Variants in PVT1 observed in about 807,000 individuals in gnomAD.
The protein encoded by PVT1 is CXCR4/PVT1 fusion.
chr8:127,857,747 T>C (rs564778401), intron 2 of PVT1, among the ~76,000 whole-genome samples: 5 of 152,210 alleles, frequency 3.3e-5, no homozygotes, highest in Non-Finnish European at 7.3e-5. Flanking sequence ...TTTTCTGACA[T>C]TGTTTATTGC....
At chr8:128,037,198 C>G (rs1369372661) in intron 4 of PVT1, among the ~76,000 whole-genome samples, 1 of 152,242 alleles carries the variant, frequency 6.6e-6, no homozygotes, top group African/African-American at 2.4e-5. Context: ...GCAGTCACCA[C>G]TCCTCTGAGG....
At chr8:127,954,864 A>G (rs1197752636) in intron 3 of PVT1, among the ~76,000 whole-genome samples, 1 of 152,134 alleles carries the variant, frequency 6.6e-6, no homozygotes, top group African/African-American at 2.4e-5. Context: ...GTGCTGCCAC[A>G]TTTATCCTTT....
chr8:127,934,858 T>G (rs1816253383), intron 3 of PVT1, among the ~76,000 whole-genome samples: 1 of 152,152 alleles, frequency 6.6e-6, no homozygotes. Context: ...CAGCCTCCAC[T>G]TTTGTTGCTC....
chr8:127,976,746 G>T (rs1816826794), intron 3 of PVT1, among the ~76,000 whole-genome samples: 2 of 152,098 alleles, frequency 1.3e-5, no homozygotes. Context: ...TCAGGGAGGT[G>T]CTCGTTGCTC....
intron 2 of PVT1, among the ~76,000 whole-genome samples, chr8:127,841,228 G>T (rs1231436248): frequency 6.6e-6 from 1 of 152,166 alleles, no homozygotes; most frequent in Non-Finnish European, 1.5e-5. Context: ...CCTCTTGTTG[G>T]CCTGAAGGAA....
At chr8:127,889,467 A>T (rs1320385628) in intron 2 of PVT1, among the ~76,000 whole-genome samples, 3 of 142,598 alleles carry the variant, frequency 2.1e-5, no homozygotes, top group Admixed American at 6.9e-5. Flanking sequence ...TTTTTTTTTT[A>T]AAGCTGTGTG....
At chr8:127,802,699 G>A (rs756977628) in intron 2 of PVT1, among the ~76,000 whole-genome samples, 2 of 152,164 alleles carry the variant, frequency 1.3e-5, no homozygotes, top group African/African-American at 2.4e-5. Flanking sequence ...TGCCTTGGAC[G>A]AGGTCAGCAT....
In PVT1 at chr8:127,898,086, G is replaced by T. The variant is rs888509177; in HGVS notation, n.782+7088G>T. ...AGAAAGAAAAGAAAAGAAAGAAAAG[G>T]GAAGGAAGGAAGGAAAGAAGGAAGG... On this transcript the variant is annotated intron_variant and non_coding_transcript_variant, in intron 3 of 10. Coordinates refer to ENST00000651587, the Ensembl canonical transcript of PVT1. The surrounding 1 kb of genome is among the most constrained non-coding windows in gnomAD (Gnocchi z 4.4). Among the ~76,000 whole-genome samples the T allele has an allele frequency of 4.3e-4, 61 of 140,956 alleles. No individual in the cohort carries two copies. The highest frequency in any genetic ancestry group is 1.6e-3 in the African/African-American group (59 of 37,710). 92.5% of individuals were successfully genotyped at this position (140,956 alleles called of 152,430 possible). A position where few individuals can be genotyped will look rare whatever the true frequency, so the allele number is the denominator to read the frequency against.
chr8:127,947,788 T>C (rs905847780), intron 3 of PVT1: 2 of 456,498 alleles, frequency 4.4e-6, no homozygotes, highest in East Asian at 1.4e-4. Context: ...TCTTGTGAAA[T>C]AGTTACAAAT....
At chr8:128,010,933 C>A (rs1395425934) in intron 4 of PVT1, among the ~76,000 whole-genome samples, 7 of 152,210 alleles carry the variant, frequency 4.6e-5, no homozygotes, top group African/African-American at 1.4e-4. Flanking sequence ...AATCAGTCAA[C>A]AGTGAATGGG....
chr8:127,894,161 C>T (rs2129810639), intron 3 of PVT1, among the ~76,000 whole-genome samples: 1 of 152,300 alleles, frequency 6.6e-6, no homozygotes, highest in South Asian at 2.1e-4. Flanking sequence ...ACGGGCTGCC[C>T]TGCCACCTAC....
At chr8:127,998,942 C>G (rs1817142618) in intron 4 of PVT1, among the ~76,000 whole-genome samples, 1 of 151,398 alleles carries the variant, frequency 6.6e-6, no homozygotes, top group Non-Finnish European at 1.5e-5. Context: ...ATATTTCCAG[C>G]CCCAGTTATA....
Position 127,863,932 on chromosome 8 carries a change from C to T in PVT1, n.373-26657C>T, listed in dbSNP as rs969476113. Among the ~76,000 whole-genome samples the T allele has an allele frequency of 3.9e-5, 6 of 152,290 alleles. 1 individual carries two copies. In the East Asian group the frequency reaches 5.8e-4, roughly 15 times the overall value. ...GGTGCCAGGCCTTTGCCCCCATGCC[C>T]GCTGGCATCACTGATTCCAGGTTAT... is the stretch of plus-strand genomic sequence containing the variant. On this transcript the variant is annotated intron_variant and non_coding_transcript_variant, in intron 2 of 10. Transcript: ENST00000651587.
chr8:128,000,002 T>C (rs1817156813), intron 4 of PVT1, among the ~76,000 whole-genome samples: 1 of 152,192 alleles, frequency 6.6e-6, no homozygotes, highest in Non-Finnish European at 1.5e-5. Context: ...TGTGTTATGC[T>C]CACAGGCCTT....
rs78523564 is a variant in PVT1 at position 128,010,136 on chromosome 8, T to C, written n.912+20845T>C. ...TATGTGACTGATTCCTGCCTCTTTATGTCTTGTTTTAGATTCTCCATGGCA... is the reference window on the plus strand; with the variant it reads ...TATGTGACTGATTCCTGCCTCTTTACGTCTTGTTTTAGATTCTCCATGGCA... On this transcript the variant is annotated intron_variant and non_coding_transcript_variant, in intron 4 of 10. Coordinates refer to ENST00000651587, the Ensembl canonical transcript of PVT1. 486 of 152,330 alleles carry C rather than the reference T, an allele frequency of 3.2e-3. 2 individuals are homozygous for C. Among genetic ancestry groups the C allele is most frequent in the African/African-American group, 0.011 (468 of 41,582 alleles). 9.4% of individuals were successfully genotyped at this position (152,330 alleles called of 1,614,324 possible).
intron 2 of PVT1, among the ~76,000 whole-genome samples, chr8:127,799,224 A>G (rs914155649): frequency 2.0e-5 from 3 of 151,920 alleles, no homozygotes; most frequent in African/African-American, 7.3e-5. Context: ...CTAAGTGCCC[A>G]ACACAGCCCT....
chr8:127,962,938 C>T (rs1279732482), intron 3 of PVT1, among the ~76,000 whole-genome samples: 1 of 152,146 alleles, frequency 6.6e-6, no homozygotes, highest in African/African-American at 2.4e-5. Flanking sequence ...GGAGCAGTCC[C>T]TATTTTACTT....
chr8:127,827,384 C>G (rs1814802323), intron 2 of PVT1, among the ~76,000 whole-genome samples: 1 of 152,088 alleles, frequency 6.6e-6, no homozygotes, highest in South Asian at 2.1e-4. Context: ...TAGACTGAGT[C>G]CTAGACACTT....
At chr8:127,909,312 A>G (rs138897859) in intron 3 of PVT1, among the ~76,000 whole-genome samples, 2 of 152,362 alleles carry the variant, frequency 1.3e-5, no homozygotes, top group African/African-American at 4.8e-5. Context: ...GTTACTGGGA[A>G]AACAGAGCTC....
Sources: allele counts gnomAD v4.1 joint callset (sites outside exome capture counted in the v4.1 genomes callset), GRCh38; gene constraint gnomAD v4.1.1; non-coding constraint Gnocchi (gnomAD v3.1); transcripts MANE v1.5; gene names NCBI Gene and HGNC (gene_info 2026-07-23, HGNC 2026-07-21).